NDUFA5: variants seen among roughly 807,000 people sequenced by gnomAD.
The protein encoded by NDUFA5 is NADH:ubiquinone oxidoreductase subunit A5, also known as NADH dehydrogenase [ubiquinone] 1 alpha subcomplex subunit 5.
A neutral mutation model predicts 19.8 loss-of-function variants in NDUFA5; 11 were observed. That is an observed-to-expected ratio of 0.56 (90% CI 0.35 to 0.92). The LOEUF (loss-of-function observed/expected upper bound fraction) is 0.92. Among genes scored for constraint, NDUFA5 ranks in the 40% least tolerant of loss-of-function variants. NDUFA5 has a pLI of 0.01. For missense variants in NDUFA5, 109 were observed against 134.2 expected (o/e 0.81, Z 0.93); for synonymous variants, 47 against 46.8 (o/e 1.00, Z -0.01).
the NDUFA5 span, among the ~76,000 whole-genome samples, chr7:123,582,277 AG>A: frequency 4.0e-5 from 6 of 151,826 alleles, no homozygotes; most frequent in East Asian, 7.8e-4. Context: ...GGAGATGGGG[AG>A]GGGGGGTTGC....
chr7:123,552,179 T>TAA (rs34744524), intron 2 of NDUFA5, among the ~76,000 whole-genome samples: 10 of 144,388 alleles, frequency 6.9e-5, no homozygotes, highest in African/African-American at 1.5e-4. Flanking sequence ...TTTTTTCAAT[T>TAA]AAAAAAAAAA....
At chr7:123,545,749 A>T (rs1223518777) in intron 3 of NDUFA5, 73 bp from the exon 4 acceptor site, 6 of 981,684 alleles carry the variant, frequency 6.1e-6, no homozygotes, top group Non-Finnish European at 9.1e-6. Flanking sequence ...ATATTTTAAA[A>T]TTCCTATATA....
At position 123,541,281 on chromosome 7, in the gene NDUFA5, A is replaced by G. The variant is rs1797936696; in HGVS notation, c.*838T>C. 1 of 152,204 alleles carries G rather than the reference A, an allele frequency of 6.6e-6. No individual in the cohort carries two copies. The highest frequency in any genetic ancestry group is 2.4e-5 in the African/African-American group (1 of 41,458). 9.4% of individuals were successfully genotyped at this position (152,204 alleles called of 1,614,324 possible). ...CTTCTTTTACAGAAACTCTACCTCT[A>G]TCCTGATGTAATTAGGTTGATTAAG... On this transcript the variant is annotated 3_prime_UTR_variant, in exon 5 of 5. Coordinates refer to ENST00000355749, the MANE Select transcript of NDUFA5 (RefSeq NM_005000.5).
intron 2 of NDUFA5, 110 bp from the exon 3 acceptor site, chr7:123,550,696 T>C: frequency 1.4e-6 from 1 of 697,744 alleles, no homozygotes; most frequent in South Asian, 1.8e-5. Flanking sequence ...TTTTTTTTTT[T>C]TGCTTTTTTT....
At chr7:123,599,940 C>G in the NDUFA5 span, among the ~76,000 whole-genome samples, 1 of 152,148 alleles carries the variant, frequency 6.6e-6, no homozygotes, top group Non-Finnish European at 1.5e-5. Flanking sequence ...ATTTTGTTTC[C>G]CCTTTGAGAA....
At chr7:123,569,316 T>C in the NDUFA5 span, among the ~76,000 whole-genome samples, 1 of 152,022 alleles carries the variant, frequency 6.6e-6, no homozygotes, top group Admixed American at 6.6e-5. Flanking sequence ...TAACAACCAA[T>C]ACAGCATAAA....
chr7:123,592,317 T>C, the NDUFA5 span, among the ~76,000 whole-genome samples: 1 of 152,172 alleles, frequency 6.6e-6, no homozygotes, highest in African/African-American at 2.4e-5. Context: ...TTATTTCTTG[T>C]CTTCTGCTAG....
At chr7:123,564,300 C>CT in the NDUFA5 span, among the ~76,000 whole-genome samples, 1 of 152,078 alleles carries the variant, frequency 6.6e-6, no homozygotes, top group African/African-American at 2.4e-5. Context: ...TATTAGTTTA[C>CT]TTTTTTTATT....
chr7:123,551,207 CTTTCT>C (rs200871006), intron 2 of NDUFA5, among the ~76,000 whole-genome samples: 22 of 142,836 alleles, frequency 1.5e-4, no homozygotes, highest in Admixed American at 2.1e-4. Flanking sequence ...ATTTTTCTTT[CTTTCT>C]TTTTTTTTTT....
chr7:123,550,376 T>C (rs542364266), intron 3 of NDUFA5, 94 bp downstream of exon 3: 24 of 739,006 alleles, frequency 3.2e-5, no homozygotes, highest in East Asian at 2.0e-4. Context: ...GGAAGGAGAA[T>C]AGAAGAAAAG....
chr7:123,593,719 T>A, the NDUFA5 span, among the ~76,000 whole-genome samples: 2 of 152,210 alleles, frequency 1.3e-5, no homozygotes, highest in Admixed American at 6.5e-5. Context: ...CATTTTTTCC[T>A]TCATTTCAAC....
chr7:123,584,122 T>A, the NDUFA5 span, among the ~76,000 whole-genome samples: 7 of 151,896 alleles, frequency 4.6e-5, no homozygotes, highest in East Asian at 1.4e-3. Context: ...GCTCAGACTT[T>A]TCTTCTAAAC....
the NDUFA5 span, among the ~76,000 whole-genome samples, chr7:123,565,014 G>C: frequency 6.6e-6 from 1 of 151,588 alleles, no homozygotes; most frequent in Non-Finnish European, 1.5e-5. Context: ...ATGCAATTAC[G>C]GAAGTTGAAA....
the NDUFA5 span, among the ~76,000 whole-genome samples, chr7:123,565,981 T>C: frequency 6.7e-6 from 1 of 149,448 alleles, no homozygotes; most frequent in African/African-American, 2.5e-5. Flanking sequence ...ATCATGCCAC[T>C]GCACTCCAGC....
intron 3 of NDUFA5, among the ~76,000 whole-genome samples, chr7:123,547,867 T>A (rs781741433): frequency 3.9e-5 from 6 of 152,180 alleles, no homozygotes; most frequent in African/African-American, 1.4e-4. Context: ...ATGCTCACTA[T>A]ATACTTGGGA....
chr7:123,568,366 C>A, the NDUFA5 span, among the ~76,000 whole-genome samples: 4 of 149,948 alleles, frequency 2.7e-5, no homozygotes, highest in African/African-American at 7.4e-5. Flanking sequence ...AAAAAAAATA[C>A]AAAATTAGCC....
the NDUFA5 span, among the ~76,000 whole-genome samples, chr7:123,584,086 T>G: frequency 6.6e-6 from 1 of 152,028 alleles, no homozygotes; most frequent in Admixed American, 6.6e-5. Context: ...CCACACGGTT[T>G]TAAGTATCAC....
At chr7:123,572,131 C>CTTTT in the NDUFA5 span, among the ~76,000 whole-genome samples, 6 of 47,980 alleles carry the variant, frequency 1.3e-4, no homozygotes, top group South Asian at 1.1e-3. Flanking sequence ...TGTAGAATTT[C>CTTTT]TTTTTTTTTT....
chr7:123,548,110 G>C (rs1765568273), intron 3 of NDUFA5, among the ~76,000 whole-genome samples: 1 of 151,866 alleles, frequency 6.6e-6, no homozygotes, highest in African/African-American at 2.4e-5. Flanking sequence ...GAAAAAAAAA[G>C]TTACTTTTAT....
Sources: gnomAD v4.1 joint callset for allele counts (sites outside exome capture counted in the v4.1 genomes callset) on GRCh38, gnomAD v4.1.1 for gene constraint, MANE v1.5 for transcripts, NCBI Gene and HGNC (gene_info 2026-07-23, HGNC 2026-07-21) for gene names.